The following GGPS1 variants were observed in gnomAD, a reference collection of about 807,000 sequenced individuals.
GGPS1 encodes geranylgeranyl pyrophosphate synthase.
Under a neutral mutation model 28.1 loss-of-function variants are expected in GGPS1, and 15 were observed. The ratio of observed to expected loss-of-function variants is 0.53; its 90% CI spans 0.36 to 0.82. The LOEUF is 0.82. Among genes scored for constraint, GGPS1 ranks in the 40% least tolerant of loss-of-function variants. The pLI is 0.01. For synonymous variants in GGPS1, 138 were observed against 122.4 expected (o/e 1.13, Z -0.84); for missense variants, 284 against 348.3 (o/e 0.82, Z 1.47).
intron 2 of GGPS1, 31 bp from the exon 3 acceptor site, chr1:235,341,677 C>T: frequency 8.5e-7 from 1 of 1,179,346 alleles, no homozygotes. Flanking sequence ...AAACACTTAT[C>T]ACATTGTCAC....
Position 235,342,111 on chromosome 1 carries a change from G to A in GGPS1, c.242G>A (p.Ser81Asn). The A allele has an allele frequency of 6.2e-7, 1 of 1,613,972 alleles. No homozygotes were observed. Among genetic ancestry groups the A allele is most frequent in the South Asian group, 1.1e-5 (1 of 91,076 alleles). Residue 81 changes from serine to asparagine, a missense_variant, in exon 4 of 4, where the codon AGC (serine) becomes AAC (asparagine). Transcript: ENST00000282841. Reference protein sequence around the residue: ...KLRRGFPVAHSIYGIPSVINS... With the variant: ...KLRRGFPVAHNIYGIPSVINS... The stretch of plus-strand genomic sequence containing the variant: ...CGACGTGGCTTTCCAGTGGCCCACA[G>A]CATCTATGGAATCCCATCTGTCATC...
Position 235,343,550 on chromosome 1 carries a change from C to CAA in GGPS1, c.*785_*786dup, listed in dbSNP as rs34532438. ...TGGGTGACAGAGCGAGACTCCGTCT[C>CAA]AAAAAAAAGGGCTGATAATGATAAA... On this transcript the variant is annotated 3_prime_UTR_variant, in exon 4 of 4. Transcript: ENST00000282841. 4 of 166,118 alleles carry CAA rather than the reference C, an allele frequency of 2.4e-5. No homozygotes were observed. The highest frequency in any genetic ancestry group is 4.4e-5 in the Non-Finnish European group (3 of 67,980). The allele number at this position is 166,118 out of a possible 1,614,324, so 10.3% of individuals were successfully genotyped here. A position where few individuals can be genotyped will look rare whatever the true frequency, so the allele number is the denominator to read the frequency against.
chr1:235,328,842 G>T, intron 1 of GGPS1, 64 bp downstream of exon 1: 1 of 152,824 alleles, frequency 6.5e-6, no homozygotes. Context: ...GAGGCTGGGA[G>T]GCGGGGCAGA....
In GGPS1 at chr1:235,342,763, A is replaced by C. The variant is rs780515717; in HGVS notation, c.894A>C (p.Glu298Asp). 1 of 1,574,742 alleles carries C rather than the reference A, an allele frequency of 6.4e-7. No homozygotes were observed. Among genetic ancestry groups the C allele is most frequent in the South Asian group, 1.2e-5 (1 of 85,034 alleles). ...ACTTAAGTAAGATGTTCAAAGAAGAAAATGAATAATGTTAAGCCATTCTTG... is the reference window on the plus strand; with the variant it reads ...ACTTAAGTAAGATGTTCAAAGAAGACAATGAATAATGTTAAGCCATTCTTG... Reference protein sequence around the residue: ...VKHLSKMFKEENE With the variant: ...VKHLSKMFKEDNE The change falls in exon 4 of 4, where the codon GAA becomes GAC. Residue 298 changes from glutamate to aspartate, a missense_variant. Transcript: ENST00000282841.
At chr1:235,329,601 G>C (rs1675625057) in intron 1 of GGPS1, 1 of 151,992 alleles carries the variant, frequency 6.6e-6, no homozygotes, top group Admixed American at 6.6e-5. Flanking sequence ...TAACTTGTCA[G>C]AAAGCCCTGT....
At position 235,343,417 on chromosome 1, in the gene GGPS1, G is replaced by C. The variant is rs1051685324; in HGVS notation, c.*645G>C. 1.9e-5 allele frequency: 3 copies of C among 157,730 alleles called. No homozygotes were observed. Among genetic ancestry groups the C allele is most frequent in the Non-Finnish European group, 4.4e-5 (3 of 68,196 alleles). The allele number at this position is 157,730 out of a possible 1,614,324, so 9.8% of individuals were successfully genotyped here. ...ATACAAAAAATTAGCTGGGCGTGGT[G>C]GTGGGCGCCTGTAGTCCCAGCTACT... On this transcript the variant is annotated 3_prime_UTR_variant, in exon 4 of 4. Coordinates refer to ENST00000282841, the MANE Select transcript of GGPS1 (RefSeq NM_004837.4).
At chr1:235,341,905 T>A (rs1676055562) in intron 3 of GGPS1, 106 bp from the exon 4 acceptor site, 1 of 853,724 alleles carries the variant, frequency 1.2e-6, no homozygotes, top group Non-Finnish European at 1.8e-6. Context: ...TGCTAAATAT[T>A]TATTAGTTGT....
At chr1:235,338,234 T>G (rs1472200950) in intron 2 of GGPS1, among the ~76,000 whole-genome samples, 2 of 150,902 alleles carry the variant, frequency 1.3e-5, no homozygotes, top group Admixed American at 1.3e-4. Flanking sequence ...TACAAAAAAT[T>G]AGCCAGGCAT....
Position 235,342,864 on chromosome 1 carries a change from T to C in GGPS1, c.*92T>C. On this transcript the variant is annotated 3_prime_UTR_variant, in exon 4 of 4. Transcript: ENST00000282841. ...TACCACCTTTTAAAAAATTTGTTATTCTCCAGAAACAGTAAATAGGTGAGT... is the reference window on the plus strand; with the variant it reads ...TACCACCTTTTAAAAAATTTGTTATCCTCCAGAAACAGTAAATAGGTGAGT... The C allele has an allele frequency of 1.1e-6, 1 of 869,950 alleles. No homozygotes were observed. The highest frequency in any genetic ancestry group is 1.8e-6 in the Non-Finnish European group (1 of 565,748). 53.9% of individuals were successfully genotyped at this position (869,950 alleles called of 1,614,324 possible).
intron 3 of GGPS1, 82 bp from the exon 4 acceptor site, chr1:235,341,929 C>A: frequency 1.0e-6 from 1 of 963,520 alleles, no homozygotes; most frequent in Non-Finnish European, 1.6e-6. Flanking sequence ...AATTAACACA[C>A]CTGAGACTTT....
At chr1:235,340,568 C>G (rs1274551269) in intron 2 of GGPS1, among the ~76,000 whole-genome samples, 1 of 150,864 alleles carries the variant, frequency 6.6e-6, no homozygotes, top group Non-Finnish European at 1.5e-5. Flanking sequence ...AACCCCGTCT[C>G]TACTAAAAAT....
intron 2 of GGPS1, among the ~76,000 whole-genome samples, chr1:235,338,595 A>C (rs1424281582): frequency 6.6e-6 from 1 of 152,170 alleles, no homozygotes; most frequent in Non-Finnish European, 1.5e-5. Flanking sequence ...ATACAGGCCA[A>C]GTGCAGTGGC....
At chr1:235,340,751 A>AAC (rs1676016107) in intron 2 of GGPS1, among the ~76,000 whole-genome samples, 1 of 149,628 alleles carries the variant, frequency 6.7e-6, no homozygotes, top group Admixed American at 6.6e-5. Flanking sequence ...AAAAAAAAAA[A>AAC]AAAAAAACAA....
At chr1:235,330,843 A>G (rs748156839) in intron 1 of GGPS1, among the ~76,000 whole-genome samples, 1 of 152,254 alleles carries the variant, frequency 6.6e-6, no homozygotes, top group Non-Finnish European at 1.5e-5. Context: ...GAGAAAATAT[A>G]CAAACGTGAT....
intron 2 of GGPS1, among the ~76,000 whole-genome samples, chr1:235,338,393 A>AG (rs555738772): frequency 2.6e-4 from 40 of 151,448 alleles, no homozygotes; most frequent in African/African-American, 7.8e-4. Flanking sequence ...GAAAAAAAAA[A>AG]GGGGGGGAAA....
At chr1:235,339,761 C>CA (rs34043751) in intron 2 of GGPS1, among the ~76,000 whole-genome samples, 39,784 of 130,410 alleles carry the variant, frequency 0.31, 6,267 homozygotes, top group South Asian at 0.55. Flanking sequence ...ATTCCATCTC[C>CA]AAAAAAAAAA....
rs559834525 is a variant in GGPS1, at chr1:235,340,684, C to T, written c.71-1024C>T. ...CCGGGAGGCGGAGCTTGCAGTGAGC[C>T]GAGATCGCGCCACTGCACTCCAGCC... On this transcript the variant is annotated intron_variant, in intron 2 of 3. Coordinates refer to ENST00000282841, the MANE Select transcript of GGPS1 (RefSeq NM_004837.4). Among the ~76,000 whole-genome samples the T allele has an allele frequency of 2.1e-4, 25 of 121,830 alleles. No individual in the cohort carries two copies. In the South Asian group the frequency reaches 6.4e-3, roughly 31 times the overall value. The allele number at this position is 121,830 out of a possible 152,430, so 79.9% of individuals were successfully genotyped here. A position where few individuals can be genotyped will look rare whatever the true frequency, so the allele number is the denominator to read the frequency against.
chr1:235,342,622 T>G lies in GGPS1; in HGVS notation c.753T>G (p.Leu251=). 1 of 1,611,486 alleles carries G rather than the reference T, an allele frequency of 6.2e-7. No homozygotes were observed. The highest frequency in any genetic ancestry group is 8.5e-7 in the Non-Finnish European group (1 of 1,177,606). The change falls in exon 4 of 4, where the codon CTT becomes CTG. Residue 251 remains leucine, a synonymous_variant. Transcript: ENST00000282841. ...IDIKKYCVHY[L]EDVGSFEYTR... Reference sequence around the variant, plus strand: ...TAAAAAAATACTGTGTACATTATCTTGAGGATGTAGGTTCTTTTGAATACA... The same window carrying G: ...TAAAAAAATACTGTGTACATTATCTGGAGGATGTAGGTTCTTTTGAATACA...
At chr1:235,327,737 G>A (rs1450524854), upstream of GGPS1, 1 of 152,714 alleles carries the variant, frequency 6.5e-6, no homozygotes, top group Non-Finnish European at 1.5e-5. Flanking sequence ...ACCCCCTTAG[G>A]AGACCACGAA....
Sources: allele counts gnomAD v4.1 joint callset (sites outside exome capture counted in the v4.1 genomes callset), GRCh38; gene constraint gnomAD v4.1.1; transcripts MANE v1.5; gene names NCBI Gene and HGNC (gene_info 2026-07-23, HGNC 2026-07-21).